COL22A1: variants seen among roughly 807,000 people sequenced by gnomAD.
COL22A1 encodes the protein collagen alpha-1(XXII) chain.
COL22A1 carries 221 observed loss-of-function variants against 248.9 expected under a neutral mutation model. That is an observed-to-expected ratio of 0.89 (90% CI 0.80 to 0.99). The LOEUF is 0.99. COL22A1 is among the 50% of genes least tolerant of loss of function. The pLI is 0.00. For synonymous variants in COL22A1, 891 were observed against 793.4 expected, an observed-to-expected ratio of 1.12 and a Z score of -2.07; for missense variants, 2,240 against 2,179.0, an observed-to-expected ratio of 1.03 and a Z score of -0.56.
chr8:138,846,122 T>TC (rs1253902192), intron 3 of COL22A1, among the ~76,000 whole-genome samples: 1 of 152,184 alleles, frequency 6.6e-6, no homozygotes, highest in Admixed American at 6.5e-5. Context: ...AAGCTGTCTG[T>TC]CTAGCACTAC....
chr8:138,597,068 T>G, intron 61 of COL22A1, 98 bp from the exon 62 acceptor site: 1 of 899,116 alleles, frequency 1.1e-6, no homozygotes. Context: ...GTAGGTGGTA[T>G]ATACCCACAC....
At chr8:138,664,207 G>GCGCGCGCGCA (rs1554738588) in intron 41 of COL22A1, among the ~76,000 whole-genome samples, 1 of 87,560 alleles carries the variant, frequency 1.1e-5, no homozygotes, top group African/African-American at 3.7e-5. Context: ...GCGCGCGCGC[G>GCGCGCGCGCA]CGCACACACA....
At chr8:138,641,017 T>C (rs1198237608) in intron 47 of COL22A1, among the ~76,000 whole-genome samples, 1 of 152,234 alleles carries the variant, frequency 6.6e-6, no homozygotes, top group Non-Finnish European at 1.5e-5. Flanking sequence ...TAGGTCTTTC[T>C]TCTCTGTCAC....
chr8:138,818,143 C>T (rs545961062), intron 7 of COL22A1, among the ~76,000 whole-genome samples: 2 of 152,256 alleles, frequency 1.3e-5, no homozygotes, highest in South Asian at 4.2e-4. Context: ...TCTGAGCCTC[C>T]GTATCCTTGT....
chr8:138,628,401 A>G (rs1298341315), intron 50 of COL22A1, among the ~76,000 whole-genome samples: 1 of 152,204 alleles, frequency 6.6e-6, no homozygotes, highest in Non-Finnish European at 1.5e-5. Context: ...AGCCTGGCCC[A>G]CATGGTGAAA....
At chr8:138,905,989 G>A (rs1038700406) in intron 1 of COL22A1, among the ~76,000 whole-genome samples, 4 of 152,046 alleles carry the variant, frequency 2.6e-5, no homozygotes, top group Non-Finnish European at 4.4e-5. Context: ...TGAAGACTTC[G>A]CTGATATACC....
At chr8:138,841,466 T>A (rs1297948005) in intron 4 of COL22A1, among the ~76,000 whole-genome samples, 1 of 152,086 alleles carries the variant, frequency 6.6e-6, no homozygotes, top group Non-Finnish European at 1.5e-5. Context: ...GGGGGATGAA[T>A]AGGAGCTCAC....
At chr8:138,847,659 G>T (rs1821342768) in intron 3 of COL22A1, among the ~76,000 whole-genome samples, 1 of 152,144 alleles carries the variant, frequency 6.6e-6, no homozygotes, top group Admixed American at 6.5e-5. Flanking sequence ...TGATGTAAGG[G>T]ATAGATAAGT....
At chr8:138,618,193 A>G (rs1239341908) in intron 53 of COL22A1, among the ~76,000 whole-genome samples, 1 of 152,342 alleles carries the variant, frequency 6.6e-6, no homozygotes, top group East Asian at 1.9e-4. Context: ...AAGAAGAAAC[A>G]GGGGTTCAGA....
chr8:138,860,963 T>A (rs1386254271), intron 3 of COL22A1, among the ~76,000 whole-genome samples: 1 of 152,092 alleles, frequency 6.6e-6, no homozygotes, highest in Non-Finnish European at 1.5e-5. Flanking sequence ...TCTGGGAACT[T>A]CCCTCCATCT....
intron 46 of COL22A1, among the ~76,000 whole-genome samples, chr8:138,647,967 A>G (rs1822359038): frequency 6.6e-6 from 1 of 152,246 alleles, no homozygotes; most frequent in Admixed American, 6.5e-5. Flanking sequence ...AGACCCATCT[A>G]TCTTAATGAA....
chr8:138,710,245 G>A (rs11776127), intron 30 of COL22A1, among the ~76,000 whole-genome samples: 60,158 of 151,998 alleles, frequency 0.4, 14,548 homozygotes, highest in East Asian at 0.67. Flanking sequence ...GCTGCTCCAC[G>A]CAAGACAGTC....
chr8:138,613,389 C>G (rs1819056646), intron 56 of COL22A1, among the ~76,000 whole-genome samples: 1 of 152,190 alleles, frequency 6.6e-6, no homozygotes. Flanking sequence ...GCCCCAGAAG[C>G]TGGGAGAGAC....
chr8:138,902,729 T>TATATATATA (rs1458657119), intron 1 of COL22A1, among the ~76,000 whole-genome samples: 23 of 59,428 alleles, frequency 3.9e-4, no homozygotes, highest in African/African-American at 1.2e-3. Flanking sequence ...TTTATAAATA[T>TATATATATA]ATATATATAT....
chr8:138,806,193 T>TGTATGATTGTGTGTGAGG (rs1817708875), intron 10 of COL22A1, among the ~76,000 whole-genome samples: 1 of 87,198 alleles, frequency 1.1e-5, no homozygotes, highest in Non-Finnish European at 2.5e-5. Flanking sequence ...TGTGTGATGG[T>TGTATGATTGTGTGTGAGG]GTGTGTGTGA....
intron 3 of COL22A1, among the ~76,000 whole-genome samples, chr8:138,846,090 G>A (rs1170466717): frequency 6.6e-6 from 1 of 152,068 alleles, no homozygotes; most frequent in African/African-American, 2.4e-5. Context: ...ATCATGGAAG[G>A]GGTTATTTTG....
rs551398755 is a variant in COL22A1 at position 138,646,572 on chromosome 8, T to A, written c.3501+57A>T. On this transcript the variant is annotated intron_variant, in intron 47 of 64. Transcript: ENST00000303045. ...GCCATCACTCTTCCTTAAATTGAGA[T>A]TAACCATTGAGATGAGCAGAATAGA... 2.5e-5 allele frequency: 33 copies of A among 1,322,738 alleles called. No homozygotes were observed. In the South Asian group the frequency reaches 4.6e-4, roughly 19 times the overall value. The allele number at this position is 1,322,738 out of a possible 1,614,324, so 81.9% of individuals were successfully genotyped here.
At chr8:138,771,954 T>C (rs1834404078) in intron 16 of COL22A1, among the ~76,000 whole-genome samples, 1 of 152,188 alleles carries the variant, frequency 6.6e-6, no homozygotes, top group South Asian at 2.1e-4. Context: ...ATTGTTCCGA[T>C]GGAGACGGTT....
chr8:138,625,422 C>T (rs755968856), intron 51 of COL22A1, among the ~76,000 whole-genome samples: 1 of 152,034 alleles, frequency 6.6e-6, no homozygotes, highest in Non-Finnish European at 1.5e-5. Flanking sequence ...CAAGCAGAGG[C>T]CAAAGAGCCA....
Sources: gnomAD v4.1 joint callset for allele counts (sites outside exome capture counted in the v4.1 genomes callset) on GRCh38, gnomAD v4.1.1 for gene constraint, MANE v1.5 for transcripts, NCBI Gene and HGNC (gene_info 2026-07-23, HGNC 2026-07-21) for gene names.